PTPRD: variants seen among roughly 807,000 people sequenced by gnomAD.
PTPRD encodes the protein protein tyrosine phosphatase receptor type D.
A neutral mutation model predicts 214.5 loss-of-function variants in PTPRD; 34 were observed. The ratio of observed to expected loss-of-function variants is 0.16; its 90% CI spans 0.12 to 0.21. PTPRD has a LOEUF of 0.21. Among genes scored for constraint, PTPRD ranks in the 10% least tolerant of loss-of-function variants. The pLI is 1.00. For missense variants in PTPRD, 2,545 were observed against 2,398.7 expected (o/e 1.06, Z -1.27); for synonymous variants, 1,128 against 845.7 (o/e 1.33, Z -5.79).
chr9:8,548,071 T>C (rs1463924762), intron 14 of PTPRD, among the ~76,000 whole-genome samples: 5 of 152,194 alleles, frequency 3.3e-5, no homozygotes, highest in African/African-American at 1.2e-4. Context: ...ACGATTTTGC[T>C]GGAGACCAGA....
intron 11 of PTPRD, among the ~76,000 whole-genome samples, chr9:8,804,019 C>A (rs1034001096): frequency 3.9e-5 from 6 of 151,996 alleles, no homozygotes; most frequent in Non-Finnish European, 8.8e-5. Context: ...GTGGTGCAAT[C>A]TTGGCTCACT....
chr9:9,738,356 T>C (rs781465476), intron 6 of PTPRD, among the ~76,000 whole-genome samples: 1 of 151,838 alleles, frequency 6.6e-6, no homozygotes, highest in Non-Finnish European at 1.5e-5. Context: ...TGACTAATAA[T>C]GTTGAACATT....
chr9:9,662,411 C>G (rs1418446246), intron 7 of PTPRD, among the ~76,000 whole-genome samples: 1 of 151,606 alleles, frequency 6.6e-6, no homozygotes, highest in Admixed American at 6.6e-5. Flanking sequence ...ACTGCTATAA[C>G]AGCAAGACGC....
intron 8 of PTPRD, among the ~76,000 whole-genome samples, chr9:9,525,614 T>G (rs899683354): frequency 2.6e-5 from 4 of 152,046 alleles, no homozygotes; most frequent in Non-Finnish European, 4.4e-5. Context: ...AATAATTTTT[T>G]TTTTCAAATA....
rs541248433 is a variant in PTPRD at position 10,510,465 on chromosome 9, C to G, written c.-600+101933G>C. Among the ~76,000 whole-genome samples the G allele has an allele frequency of 4.6e-5, 7 of 152,202 alleles. No homozygotes were observed. The South Asian group carries it at 1.5e-3, about 32-fold the overall frequency. On this transcript the variant is annotated intron_variant, in intron 2 of 45. Coordinates refer to ENST00000381196, the MANE Select transcript of PTPRD (RefSeq NM_002839.4). The stretch of plus-strand genomic sequence containing the variant: ...AAAGATCCAATGATGTGTTTTCTTA[C>G]CTAGTGTTTTCTTTTTTAAAAGCAT...
At chr9:9,974,626 T>C (rs570717769) in intron 4 of PTPRD, among the ~76,000 whole-genome samples, 1 of 152,188 alleles carries the variant, frequency 6.6e-6, no homozygotes, top group Non-Finnish European at 1.5e-5. Flanking sequence ...TGAGTGTTTC[T>C]CTCTGAAGCT....
At chr9:8,708,277 T>C (rs1220215214) in intron 12 of PTPRD, among the ~76,000 whole-genome samples, 1 of 152,070 alleles carries the variant, frequency 6.6e-6, no homozygotes, top group African/African-American at 2.4e-5. Context: ...AGGTAGGTGT[T>C]GGTGAGGATG....
intron 2 of PTPRD, among the ~76,000 whole-genome samples, chr9:10,488,366 C>CAAA (rs59842348): frequency 7.3e-5 from 5 of 68,400 alleles, no homozygotes; most frequent in African/African-American, 1.5e-4. Flanking sequence ...GACTCTGTCT[C>CAAA]AAAAAAAAAA....
intron 5 of PTPRD, among the ~76,000 whole-genome samples, chr9:9,840,111 C>T (rs1433829605): frequency 6.6e-6 from 1 of 152,042 alleles, no homozygotes; most frequent in African/African-American, 2.4e-5. Flanking sequence ...GATCTCAGCT[C>T]ACTGCAACTT....
chr9:10,478,534 G>C (rs1049204068), intron 2 of PTPRD, among the ~76,000 whole-genome samples: 3 of 152,084 alleles, frequency 2.0e-5, no homozygotes, highest in South Asian at 2.1e-4. Context: ...ATAAAGATGA[G>C]ACAGTTAAGC....
chr9:8,520,438 A>G (rs897290040), intron 20 of PTPRD, among the ~76,000 whole-genome samples: 14 of 152,154 alleles, frequency 9.2e-5, no homozygotes, highest in South Asian at 4.1e-4. Context: ...AAGAGTAGCA[A>G]ACTTGTACTT....
intron 11 of PTPRD, among the ~76,000 whole-genome samples, chr9:8,951,733 C>G (rs528670041): frequency 6.6e-6 from 1 of 152,128 alleles, no homozygotes; most frequent in African/African-American, 2.4e-5. Context: ...CAGGGTCTAA[C>G]TTCCCAACAC....
chr9:9,461,837 C>A (rs545717060), intron 8 of PTPRD, among the ~76,000 whole-genome samples: 1 of 152,230 alleles, frequency 6.6e-6, no homozygotes, highest in South Asian at 2.1e-4. Context: ...TTTCTGTAGG[C>A]TTCTCTCCTC....
In PTPRD at chr9:9,833,679, G is replaced by GC. The variant is rs1491113489; in HGVS notation, c.-367-66829_-367-66828insG. Among the ~76,000 whole-genome samples, 13 of 94,398 alleles carry GC rather than the reference G, an allele frequency of 1.4e-4. No homozygotes were observed. The South Asian group carries it at 5.0e-3, about 37-fold the overall frequency. 61.9% of individuals were successfully genotyped at this position (94,398 alleles called of 152,430 possible). A position where few individuals can be genotyped will look rare whatever the true frequency, so the allele number is the denominator to read the frequency against. On this transcript the variant is annotated intron_variant, in intron 5 of 45. Coordinates refer to ENST00000381196, the MANE Select transcript of PTPRD (RefSeq NM_002839.4). ...CAACCATAAGAGACAGGTACGCTCC[G>GC]GAGAGGGGGGCAGTTCAGAGACCTA... is the stretch of plus-strand genomic sequence containing the variant.
chr9:8,494,290 G>C (rs557881577), intron 26 of PTPRD, among the ~76,000 whole-genome samples: 7 of 152,154 alleles, frequency 4.6e-5, no homozygotes, highest in African/African-American at 1.4e-4. Flanking sequence ...CAAAAGAGTA[G>C]GAATATCTCA....
chr9:8,605,876 C>G (rs1005072901), intron 14 of PTPRD, among the ~76,000 whole-genome samples: 1 of 152,116 alleles, frequency 6.6e-6, no homozygotes, highest in African/African-American at 2.4e-5. Context: ...CTCTCTGATA[C>G]GATTTGTAGC....
chr9:8,961,941 A>G (rs183797560), intron 11 of PTPRD, among the ~76,000 whole-genome samples: 79 of 152,270 alleles, frequency 5.2e-4, no homozygotes, highest in African/African-American at 1.8e-3. Flanking sequence ...AGCAATAATT[A>G]TATAGGAATA....
intron 11 of PTPRD, among the ~76,000 whole-genome samples, chr9:8,755,395 G>A (rs563101993): frequency 5.3e-4 from 81 of 151,926 alleles, no homozygotes; most frequent in Non-Finnish European, 7.8e-4. Flanking sequence ...CGAGCATGGC[G>A]GTGCATGCCT....
chr9:9,063,305 A>C (rs1165597613), intron 10 of PTPRD, among the ~76,000 whole-genome samples: 1 of 152,206 alleles, frequency 6.6e-6, no homozygotes, highest in East Asian at 1.9e-4. Context: ...CTAATCCTTC[A>C]TGCCTAAGAA....
Sources: gnomAD v4.1 joint callset for allele counts (sites outside exome capture counted in the v4.1 genomes callset) on GRCh38, gnomAD v4.1.1 for gene constraint, MANE v1.5 for transcripts, NCBI Gene and HGNC (gene_info 2026-07-23, HGNC 2026-07-21) for gene names.